NUMB: variants seen among roughly 807,000 people sequenced by gnomAD.
NUMB encodes NUMB endocytic adaptor protein, also known as protein numb homolog.
In NUMB, 29 loss-of-function variants were observed where a neutral mutation model predicts 59.7. The ratio of observed to expected loss-of-function variants is 0.49; its 90% CI spans 0.36 to 0.66. The LOEUF (loss-of-function observed/expected upper bound fraction) is 0.66, where lower values mean the gene tolerates loss of function less well. NUMB is among the 30% of genes least tolerant of loss of function. The pLI is 0.00. For missense variants in NUMB, 723 were observed against 822.0 expected (o/e 0.88, Z 1.47); for synonymous variants, 288 against 288.2 (o/e 1.00, Z 0.01).
rs138052340 is a variant in NUMB at position 73,435,506 on chromosome 14, C to G, written c.-233+22987G>C. Among the ~76,000 whole-genome samples the G allele has an allele frequency of 4.0e-3, 600 of 151,314 alleles. 3 individuals carry two copies. The highest frequency in any genetic ancestry group is 0.014 in the African/African-American group (576 of 41,348). ...CGCCAGGATGGTCTCGATCTCCTGA[C>G]CTCGTGATCTGCCCGCCTCAGCCTC... On this transcript the variant is annotated intron_variant, in intron 1 of 12. Transcript: ENST00000555238.
intron 2 of NUMB, among the ~76,000 whole-genome samples, chr14:73,387,838 C>A (rs1895630226): frequency 6.6e-6 from 1 of 150,952 alleles, no homozygotes; most frequent in African/African-American, 2.4e-5. Context: ...AACATTAAAT[C>A]TCTAGGTCAG....
At chr14:73,360,393 T>C (rs1207113700) in intron 3 of NUMB, among the ~76,000 whole-genome samples, 1 of 152,068 alleles carries the variant, frequency 6.6e-6, no homozygotes, top group African/African-American at 2.4e-5. Flanking sequence ...CTGTCTCTAC[T>C]AAAAATACAA....
chr14:73,400,892 T>C (rs985554649), intron 2 of NUMB, among the ~76,000 whole-genome samples: 1 of 152,224 alleles, frequency 6.6e-6, no homozygotes, highest in Non-Finnish European at 1.5e-5. Flanking sequence ...TCCTTTGTAA[T>C]ACCCTTTATG....
chr14:73,364,661 T>A (rs1474490017), intron 3 of NUMB, among the ~76,000 whole-genome samples: 1 of 152,088 alleles, frequency 6.6e-6, no homozygotes, highest in African/African-American at 2.4e-5. Flanking sequence ...AGGGTCTTGC[T>A]CTGTTGTCCA....
At chr14:73,358,342 A>G (rs1893921424) in intron 3 of NUMB, among the ~76,000 whole-genome samples, 1 of 152,124 alleles carries the variant, frequency 6.6e-6, no homozygotes, top group South Asian at 2.1e-4. Context: ...GCTTCACACC[A>G]CCTTCAAGAC....
chr14:73,436,355 CG>C, intron 1 of NUMB, among the ~76,000 whole-genome samples: 1 of 152,226 alleles, frequency 6.6e-6, no homozygotes, highest in African/African-American at 2.4e-5. Context: ...CCCACTCTGT[CG>C]CCCAGGATGG....
chr14:73,402,006 G>T (rs1386399660), intron 2 of NUMB, among the ~76,000 whole-genome samples: 2 of 152,128 alleles, frequency 1.3e-5, no homozygotes, highest in African/African-American at 4.8e-5. Context: ...AGGACCACGT[G>T]CACGCACCAC....
chr14:73,374,471 T>G (rs746588591), intron 2 of NUMB, among the ~76,000 whole-genome samples: 21 of 152,142 alleles, frequency 1.4e-4, no homozygotes, highest in Admixed American at 2.6e-4. Flanking sequence ...CCTTCCTTCT[T>G]TCAGAGAACC....
At chr14:73,436,784 TC>T (rs2140178747) in intron 1 of NUMB, among the ~76,000 whole-genome samples, 1 of 151,494 alleles carries the variant, frequency 6.6e-6, no homozygotes, top group East Asian at 2.0e-4. Context: ...ATCAAGACCA[TC>T]CTGGCTAACA....
intron 3 of NUMB, among the ~76,000 whole-genome samples, chr14:73,357,249 A>G (rs1279255568): frequency 1.3e-5 from 2 of 151,358 alleles, no homozygotes; most frequent in Admixed American, 6.6e-5. Context: ...CTAAAAATAC[A>G]AAAATTAGCC....
chr14:73,287,488 G>A (rs566961361), intron 8 of NUMB, among the ~76,000 whole-genome samples, 174 bp from the exon 9 acceptor site: 2 of 151,756 alleles, frequency 1.3e-5, no homozygotes, highest in Non-Finnish European at 2.9e-5. Flanking sequence ...AATACTTCTC[G>A]TGCCTCAGCC....
intron 6 of NUMB, among the ~76,000 whole-genome samples, chr14:73,300,035 A>C (rs549721500): frequency 6.6e-6 from 1 of 152,044 alleles, no homozygotes; most frequent in East Asian, 1.9e-4. Flanking sequence ...AACAATTAGT[A>C]GCCATTATCA....
intron 2 of NUMB, among the ~76,000 whole-genome samples, chr14:73,371,459 CGGGAGG>C (rs1894667970): frequency 6.6e-6 from 1 of 151,724 alleles, no homozygotes; most frequent in African/African-American, 2.4e-5. Context: ...CACTTAAACC[CGGGAGG>C]TGGAGCTTGC....
rs759209884 is a variant in NUMB, at chr14:73,380,724, G to GTTTT, written c.-100-13747_-100-13744dup. 3.8e-5 allele frequency among the ~76,000 whole-genome samples: 5 copies of GTTTT among 131,170 alleles called. 1 individual carries two copies. The highest frequency in any genetic ancestry group is 6.4e-5 in the Non-Finnish European group (4 of 62,806). The allele number at this position is 131,170 out of a possible 152,430, so 86.1% of individuals were successfully genotyped here. ...ACTGATTGGGCACATTCATCAATTAGTTTTTTTTTTTTTTTTTTGAGACAG... is the reference window on the plus strand; with the variant it reads ...ACTGATTGGGCACATTCATCAATTAGTTTTTTTTTTTTTTTTTTTTTTGAGACAG... On this transcript the variant is annotated intron_variant, in intron 2 of 12. Transcript: ENST00000555238.
intron 4 of NUMB, among the ~76,000 whole-genome samples, chr14:73,341,024 T>C (rs1022890834): frequency 6.6e-6 from 1 of 152,220 alleles, no homozygotes; most frequent in African/African-American, 2.4e-5. Context: ...TGGTCCTTGC[T>C]TTCCCTTTGC....
chr14:73,389,272 C>CAAAA lies in NUMB; in HGVS notation c.-101+20661_-101+20664dup, dbSNP rs869074049. On this transcript the variant is annotated intron_variant, in intron 2 of 12. Transcript: ENST00000555238. ...GGTTACAGAGCGAGACTCCATCTCT[C>CAAAA]AAAAAAAAAAAAAAAAAAAAACAAA... 6.6e-4 allele frequency among the ~76,000 whole-genome samples: 44 copies of CAAAA among 66,462 alleles called. 5 individuals carry two copies. The highest frequency in any genetic ancestry group is 2.2e-3 in the African/African-American group (37 of 17,134). The allele number at this position is 66,462 out of a possible 152,430, so 43.6% of individuals were successfully genotyped here.
chr14:73,430,454 G>C (rs1404763912), intron 1 of NUMB, among the ~76,000 whole-genome samples: 1 of 151,986 alleles, frequency 6.6e-6, no homozygotes, highest in Non-Finnish European at 1.5e-5. Context: ...AACACAGTGA[G>C]ATGCCATTTC....
chr14:73,380,720 A>C (rs1318997802), intron 2 of NUMB, among the ~76,000 whole-genome samples: 1 of 135,034 alleles, frequency 7.4e-6, no homozygotes, highest in Non-Finnish European at 1.6e-5. Flanking sequence ...ACATTCATCA[A>C]TTAGTTTTTT....
At chr14:73,452,245 A>G (rs1884038540) in intron 1 of NUMB, among the ~76,000 whole-genome samples, 2 of 152,194 alleles carry the variant, frequency 1.3e-5, no homozygotes, top group Non-Finnish European at 1.5e-5. Context: ...CTGTAATCCC[A>G]GCTACTAGGG....
Sources: gnomAD v4.1 joint callset for allele counts (sites outside exome capture counted in the v4.1 genomes callset) on GRCh38, gnomAD v4.1.1 for gene constraint, MANE v1.5 for transcripts, NCBI Gene and HGNC (gene_info 2026-07-23, HGNC 2026-07-21) for gene names.